Variants in PCDHA6 observed in about 807,000 individuals in gnomAD.
PCDHA6 encodes protocadherin alpha-6.
Under a neutral mutation model 60.3 loss-of-function variants are expected in PCDHA6, and 55 were observed. That is an observed-to-expected ratio of 0.91 (90% CI 0.73 to 1.14). The LOEUF (loss-of-function observed/expected upper bound fraction) is 1.14, where lower values mean the gene tolerates loss of function less well. PCDHA6 is among the 50% of genes most tolerant of loss of function. The probability of loss-of-function intolerance (pLI) is 0.00; values close to 1 mark genes in which losing one functional copy is unlikely to be tolerated. For synonymous variants in PCDHA6, 652 were observed against 557.9 expected (o/e 1.17, Z -2.38); for missense variants, 1,327 against 1,256.5 (o/e 1.06, Z -0.85).
rs3776115 is a variant in PCDHA6 at position 140,970,956 on chromosome 5, G to A, written c.2395-7993G>A. Among the ~76,000 whole-genome samples, 119 of 152,278 alleles carry A rather than the reference G, an allele frequency of 7.8e-4. 3 individuals carry two copies. In the East Asian group the frequency reaches 0.019, roughly 25 times the overall value. On this transcript the variant is annotated intron_variant, in intron 1 of 3. Coordinates refer to ENST00000529310, the MANE Select transcript of PCDHA6 (RefSeq NM_018909.4). The stretch of plus-strand genomic sequence containing the variant: ...TAGTCAATGCTGAGAAACCATGGGA[G>A]GCAGATTGTAGATTAAGAAAAATGG...
At chr5:140,971,728 C>A (rs1221096186) in intron 1 of PCDHA6, among the ~76,000 whole-genome samples, 2 of 151,550 alleles carry the variant, frequency 1.3e-5, no homozygotes, top group African/African-American at 2.4e-5. Flanking sequence ...GTATATCATA[C>A]ATATACACAT....
intron 1 of PCDHA6, among the ~76,000 whole-genome samples, chr5:140,900,465 C>T (rs936722061): frequency 1.3e-5 from 2 of 152,156 alleles, no homozygotes; most frequent in Admixed American, 1.3e-4. Context: ...TTAGTAGACA[C>T]GGAGTTTCTC....
intron 1 of PCDHA6, chr5:140,865,673 C>A (rs1438550706): frequency 6.6e-6 from 1 of 152,132 alleles, no homozygotes; most frequent in Non-Finnish European, 1.5e-5. Flanking sequence ...ATAACAATTT[C>A]TAAAGTACAT....
chr5:140,846,983 T>TC (rs1245867749), intron 1 of PCDHA6, among the ~76,000 whole-genome samples: 3 of 148,244 alleles, frequency 2.0e-5, no homozygotes, highest in African/African-American at 7.4e-5. Context: ...ATAAGTAAGT[T>TC]CCCCCCGGGA....
At chr5:140,863,942 G>C (rs868949663) in intron 1 of PCDHA6, 1 of 159,974 alleles carries the variant, frequency 6.3e-6, no homozygotes, top group Non-Finnish European at 1.4e-5. Context: ...CAGAGGTTGC[G>C]GTGAGCCTAG....
intron 1 of PCDHA6, among the ~76,000 whole-genome samples, chr5:140,885,181 T>A (rs561922365): frequency 6.6e-6 from 1 of 152,330 alleles, no homozygotes; most frequent in African/African-American, 2.4e-5. Flanking sequence ...TCTAGGCACA[T>A]CAGTGTTCCC....
chr5:140,863,469 G>T, intron 1 of PCDHA6: 3 of 498,172 alleles, frequency 6.0e-6, no homozygotes, highest in South Asian at 4.7e-5. Context: ...TTACTCTGGA[G>T]AGTCGCCTCC....
At position 140,850,172 on chromosome 5, in the gene PCDHA6, C is replaced by G. The variant is rs756590916; in HGVS notation, c.2394+19687C>G. 10 of 1,594,266 alleles carry G rather than the reference C, an allele frequency of 6.3e-6. 1 individual carries two copies. The highest frequency in any genetic ancestry group is 1.3e-5 in the African/African-American group (1 of 74,338). On this transcript the variant is annotated intron_variant, in intron 1 of 3. Coordinates refer to ENST00000529310, the MANE Select transcript of PCDHA6 (RefSeq NM_018909.4). ...TGCAGGTGTTCGTGCTGGACGAGAA[C>G]GACAATGCGCCGGCGCTGCTGACAC... is the stretch of plus-strand genomic sequence containing the variant.
chr5:140,853,226 T>G (rs1465630209), intron 1 of PCDHA6: 2 of 982,912 alleles, frequency 2.0e-6, no homozygotes, highest in Non-Finnish European at 2.5e-6. Flanking sequence ...GGATTGGTAA[T>G]TTAGTCCTTC....
At chr5:141,009,205 A>G (rs1325707221) in intron 3 of PCDHA6, among the ~76,000 whole-genome samples, 8 of 152,192 alleles carry the variant, frequency 5.3e-5, no homozygotes, top group Non-Finnish European at 1.2e-4. Flanking sequence ...CTATGATTCC[A>G]ACACTTTGGG....
chr5:140,836,463 G>A (rs2150261592), intron 1 of PCDHA6: 2 of 1,613,838 alleles, frequency 1.2e-6, no homozygotes, highest in Middle Eastern at 1.6e-4. Context: ...GACCGAGCTG[G>A]TGGATGTCAA....
rs1175289327 is a variant in PCDHA6 at position 140,945,113 on chromosome 5, T to TA, written c.2395-33830dup. ...TAATAAACAAAATAAAGTTGAAAGA[T>TA]AAAAAATCAACTTACAAAAATCAAT... On this transcript the variant is annotated intron_variant, in intron 1 of 3. Coordinates refer to ENST00000529310, the MANE Select transcript of PCDHA6 (RefSeq NM_018909.4). Among the ~76,000 whole-genome samples, 7 of 152,200 alleles carry TA rather than the reference T, an allele frequency of 4.6e-5. No individual in the cohort carries two copies. In the East Asian group the frequency reaches 1.2e-3, roughly 25 times the overall value.
chr5:140,868,759 T>G, intron 1 of PCDHA6: 1 of 230,962 alleles, frequency 4.3e-6, no homozygotes, highest in Non-Finnish European at 8.5e-6. Context: ...TCCATATATA[T>G]TTAGTTTCAA....
chr5:140,929,713 G>A (rs1328262633), intron 1 of PCDHA6: 3 of 235,294 alleles, frequency 1.3e-5, no homozygotes, highest in Non-Finnish European at 2.6e-5. Flanking sequence ...TAATATGGAA[G>A]GTGAAACATT....
chr5:140,971,035 C>T (rs1251023371), intron 1 of PCDHA6, among the ~76,000 whole-genome samples: 1 of 152,098 alleles, frequency 6.6e-6, no homozygotes, highest in African/African-American at 2.4e-5. Flanking sequence ...TTTGAAAGCA[C>T]GTAAAAGGGT....
chr5:140,986,587 C>G (rs1194407522), intron 3 of PCDHA6, among the ~76,000 whole-genome samples: 1 of 152,208 alleles, frequency 6.6e-6, no homozygotes, highest in East Asian at 1.9e-4. Flanking sequence ...TCCAGCTCCT[C>G]TTTCTACATT....
intron 1 of PCDHA6, chr5:140,876,435 C>T: frequency 6.2e-7 from 1 of 1,613,970 alleles, no homozygotes; most frequent in South Asian, 1.1e-5. Context: ...TTCAGGTTAA[C>T]GCCATTGATA....
chr5:140,865,089 TA>T (rs1554159250), intron 1 of PCDHA6: 1 of 152,250 alleles, frequency 6.6e-6, no homozygotes, highest in Admixed American at 6.5e-5. Flanking sequence ...GGGATATTAA[TA>T]AAGGCACTTC....
intron 1 of PCDHA6, among the ~76,000 whole-genome samples, chr5:140,932,637 T>C (rs1554209011): frequency 6.6e-6 from 1 of 151,870 alleles, no homozygotes; most frequent in African/African-American, 2.4e-5. Context: ...TAAAAAACTT[T>C]AGAATGATGA....
Sources: gnomAD v4.1 joint callset for allele counts (sites outside exome capture counted in the v4.1 genomes callset) on GRCh38, gnomAD v4.1.1 for gene constraint, MANE v1.5 for transcripts, NCBI Gene and HGNC (gene_info 2026-07-23, HGNC 2026-07-21) for gene names.